ASIC2: variants seen among roughly 807,000 people sequenced by gnomAD.
ASIC2 encodes the protein acid-sensing ion channel 2.
Under a neutral mutation model 57.3 loss-of-function variants are expected in ASIC2, and 25 were observed. The observed-to-expected ratio is 0.44, with a 90% confidence interval of 0.32 to 0.61. ASIC2 has a LOEUF of 0.61. Ranked by LOEUF, ASIC2 falls within the 20% of genes least tolerant of loss-of-function variation. The pLI is 0.06. For missense variants in ASIC2, 641 were observed against 738.1 expected (o/e 0.87, Z 1.52); for synonymous variants, 319 against 307.5 (o/e 1.04, Z -0.39).
chr17:33,365,191 A>G (rs1026044718), intron 1 of ASIC2, among the ~76,000 whole-genome samples: 13 of 151,942 alleles, frequency 8.6e-5, no homozygotes, highest in African/African-American at 2.9e-4. Flanking sequence ...TTTTTGCTCC[A>G]CTTGTCCTAA....
At chr17:33,641,331 C>A (rs1906556940) in intron 1 of ASIC2, among the ~76,000 whole-genome samples, 1 of 152,252 alleles carries the variant, frequency 6.6e-6, no homozygotes, top group South Asian at 2.1e-4. Flanking sequence ...CACTTCTTTA[C>A]TGAACATCCG....
At chr17:33,554,544 TGG>T (rs1915846366) in intron 1 of ASIC2, among the ~76,000 whole-genome samples, 1 of 152,158 alleles carries the variant, frequency 6.6e-6, no homozygotes, top group East Asian at 1.9e-4. Context: ...CAAAAGGGCC[TGG>T]GGTTGCCAGT....
At chr17:33,179,547 G>T (rs895129772) in intron 1 of ASIC2, among the ~76,000 whole-genome samples, 1 of 152,048 alleles carries the variant, frequency 6.6e-6, no homozygotes, top group Non-Finnish European at 1.5e-5. Flanking sequence ...AGCCGTTTTG[G>T]GACTCTTTCT....
At chr17:33,308,823 T>C (rs1032059832) in intron 1 of ASIC2, among the ~76,000 whole-genome samples, 1 of 151,630 alleles carries the variant, frequency 6.6e-6, no homozygotes. Context: ...AGTGCCTTTT[T>C]TTGTGAAAAA....
At chr17:34,156,000 C>A (rs772905750) in exon 1 of ASIC2, 11 of 1,610,852 alleles carry the variant, frequency 6.8e-6, no homozygotes, top group Non-Finnish European at 9.3e-6. Flanking sequence ...TTGGTGGCCG[C>A]ACTCCTGCCC....
intron 1 of ASIC2, among the ~76,000 whole-genome samples, chr17:33,716,863 G>A (rs977944456): frequency 1.3e-5 from 2 of 152,146 alleles, no homozygotes; most frequent in East Asian, 1.9e-4. Context: ...ATGATGCCTC[G>A]CTCTGACTCT....
intron 1 of ASIC2, among the ~76,000 whole-genome samples, chr17:33,475,140 C>G (rs1167449460): frequency 6.6e-6 from 1 of 152,114 alleles, no homozygotes; most frequent in Non-Finnish European, 1.5e-5. Flanking sequence ...ACACTCTTTC[C>G]CCTCCTCATT....
chr17:34,088,390 G>T (rs571942586), intron 1 of ASIC2, among the ~76,000 whole-genome samples: 1 of 152,308 alleles, frequency 6.6e-6, no homozygotes, highest in South Asian at 2.1e-4. Context: ...CTGTCTGATT[G>T]TTCCTCTGGA....
At chr17:33,223,193 T>C (rs187069839) in intron 1 of ASIC2, among the ~76,000 whole-genome samples, 1 of 152,318 alleles carries the variant, frequency 6.6e-6, no homozygotes, top group Admixed American at 6.5e-5. Flanking sequence ...CTTTTTCTTT[T>C]TTCTTTTTTA....
chr17:33,109,597 G>A (rs2092248616), intron 2 of ASIC2, among the ~76,000 whole-genome samples: 1 of 152,174 alleles, frequency 6.6e-6, no homozygotes, highest in Admixed American at 6.5e-5. Context: ...CTGGCACCCC[G>A]AGTGAGATAA....
At chr17:33,594,922 G>T (rs987898622) in intron 1 of ASIC2, among the ~76,000 whole-genome samples, 4 of 150,810 alleles carry the variant, frequency 2.7e-5, no homozygotes, top group African/African-American at 9.7e-5. Flanking sequence ...ATTTTTTTTT[G>T]AAAAAGTAAA....
intron 1 of ASIC2, among the ~76,000 whole-genome samples, chr17:33,988,132 T>C (rs1445641796): frequency 6.6e-6 from 1 of 152,214 alleles, no homozygotes; most frequent in Non-Finnish European, 1.5e-5. Context: ...AGAATGAATG[T>C]AACACATTTA....
At chr17:34,100,405 T>C (rs902132954) in intron 1 of ASIC2, among the ~76,000 whole-genome samples, 11 of 152,166 alleles carry the variant, frequency 7.2e-5, no homozygotes, top group African/African-American at 2.7e-4. Context: ...GCTCGTCACA[T>C]CATAATTCTC....
At chr17:34,013,140 A>G (rs1039609803) in intron 1 of ASIC2, among the ~76,000 whole-genome samples, 3 of 152,314 alleles carry the variant, frequency 2.0e-5, no homozygotes, top group African/African-American at 4.8e-5. Context: ...CCAGGCAAAG[A>G]AAGGAAGGAT....
chr17:33,237,064 G>A (rs1908321333), intron 1 of ASIC2, among the ~76,000 whole-genome samples: 2 of 152,188 alleles, frequency 1.3e-5, no homozygotes, highest in African/African-American at 2.4e-5. Context: ...GTGTGTGGTG[G>A]TGTGTACCTG....
At chr17:33,709,953 T>C (rs969494365) in intron 1 of ASIC2, among the ~76,000 whole-genome samples, 2 of 152,248 alleles carry the variant, frequency 1.3e-5, no homozygotes, top group Non-Finnish European at 2.9e-5. Flanking sequence ...GCAGTATTTA[T>C]ACCCCCTTCT....
chr17:33,837,069 G>A (rs1003827589), intron 1 of ASIC2, among the ~76,000 whole-genome samples: 4 of 152,144 alleles, frequency 2.6e-5, no homozygotes, highest in Admixed American at 6.5e-5. Context: ...TACTGATTAC[G>A]TGGGCTGAAA....
At chr17:33,807,679 C>T (rs1912307250) in intron 1 of ASIC2, among the ~76,000 whole-genome samples, 1 of 152,166 alleles carries the variant, frequency 6.6e-6, no homozygotes, top group Non-Finnish European at 1.5e-5. Context: ...CCTCTTCACA[C>T]ATATCCAATC....
intron 1 of ASIC2, chr17:34,118,273 G>C (rs1911488321): frequency 6.6e-6 from 1 of 152,208 alleles, no homozygotes; most frequent in South Asian, 2.1e-4. Flanking sequence ...ATGAGTTAAT[G>C]TATGTAAGAG....
Sources: allele counts gnomAD v4.1 joint callset (sites outside exome capture counted in the v4.1 genomes callset), GRCh38; gene constraint gnomAD v4.1.1; transcripts MANE v1.5; gene names NCBI Gene and HGNC (gene_info 2026-07-23, HGNC 2026-07-21).